The following PHACTR4 variants were observed in gnomAD, a reference collection of about 807,000 sequenced individuals.
The protein encoded by PHACTR4 is phosphatase and actin regulator 4.
PHACTR4 carries 51 observed loss-of-function variants against 72.7 expected under a neutral mutation model. The observed-to-expected ratio is 0.70, with a 90% CI of 0.56 to 0.89. The LOEUF is 0.89. Among genes scored for constraint, PHACTR4 ranks in the 40% least tolerant of loss-of-function variants. The pLI, the probability that PHACTR4 is intolerant of heterozygous loss-of-function variation, is 0.00. For missense variants in PHACTR4, 731 were observed against 861.8 expected (o/e 0.85, Z 1.90); for synonymous variants, 255 against 302.5 (o/e 0.84, Z 1.63).
chr1:28,465,628 T>A (rs1184287310), intron 4 of PHACTR4, 57 bp from the exon 5 acceptor site: 2 of 1,512,708 alleles, frequency 1.3e-6, no homozygotes, highest in Non-Finnish European at 1.8e-6. Context: ...TTACTAACTC[T>A]TCTTTCTATC....
intron 1 of PHACTR4, among the ~76,000 whole-genome samples, chr1:28,392,048 T>TC (rs1388219195): frequency 6.6e-6 from 1 of 152,100 alleles, no homozygotes; most frequent in Non-Finnish European, 1.5e-5. Flanking sequence ...ACAGTAGCGC[T>TC]CCCCCTTATC....
At chr1:28,473,498 G>A (rs1009121422) in intron 6 of PHACTR4, 56 bp from the exon 7 acceptor site, 19 of 1,324,322 alleles carry the variant, frequency 1.4e-5, no homozygotes, top group East Asian at 4.6e-5. Context: ...GCCCTGGGCC[G>A]GCCCTTCAAA....
At chr1:28,378,926 G>C (rs1471777675) in intron 1 of PHACTR4, among the ~76,000 whole-genome samples, 2 of 151,966 alleles carry the variant, frequency 1.3e-5, no homozygotes, top group Non-Finnish European at 2.9e-5. Context: ...CACTGATCTA[G>C]GTTTATTTAT....
intron 6 of PHACTR4, among the ~76,000 whole-genome samples, chr1:28,470,239 A>T (rs187619328): frequency 6.9e-4 from 105 of 152,146 alleles, no homozygotes; most frequent in African/African-American, 2.4e-3. Context: ...TAAAATATTT[A>T]AAAATTAGCT....
At chr1:28,437,778 G>A (rs1467395941) in intron 2 of PHACTR4, among the ~76,000 whole-genome samples, 2 of 152,080 alleles carry the variant, frequency 1.3e-5, no homozygotes, top group Non-Finnish European at 2.9e-5. Flanking sequence ...CATCACATTG[G>A]TCATTAGAAT....
At chr1:28,449,174 C>T (rs751297648) in intron 2 of PHACTR4, among the ~76,000 whole-genome samples, 4 of 151,930 alleles carry the variant, frequency 2.6e-5, no homozygotes, top group Non-Finnish European at 5.9e-5. Context: ...CAACAACTGG[C>T]TGTGCCAGGT....
chr1:28,409,219 T>C (rs922279269), intron 2 of PHACTR4, among the ~76,000 whole-genome samples: 5 of 151,716 alleles, frequency 3.3e-5, no homozygotes, highest in African/African-American at 4.8e-5. Flanking sequence ...TGCTACATCC[T>C]TGAACTCCTG....
chr1:28,473,656 A>C lies in PHACTR4; in HGVS notation c.926A>C (p.Glu309Ala). 6.2e-7 allele frequency: 1 copy of C among 1,614,046 alleles called. No individual in the cohort carries two copies. The highest frequency in any genetic ancestry group is 8.5e-7 in the Non-Finnish European group (1 of 1,179,976). Residue 309 changes from glutamate (E) to alanine (A), a missense_variant, in exon 7 of 14, where the codon GAG (glutamate) becomes GCG (alanine). Physicochemically the swap from Glu to Ala is moderately radical, Grantham distance 107. Around this residue, in one of 2 missense-constraint regions of PHACTR4, gnomAD observed 621 missense variants for 676.6 expected, o/e 0.92. Coordinates refer to ENST00000373839, the MANE Select transcript of PHACTR4 (RefSeq NM_001048183.3). ...GIPSTSVPTLESAAAITTKTP... is the reference protein window; with the variant it reads ...GIPSTSVPTLASAAAITTKTP... The stretch of plus-strand genomic sequence containing the variant: ...CCATCAACCTCAGTACCCACCTTGG[A>C]GTCTGCTGCTGCCATCACCACAAAA...
rs147315551 is a variant in PHACTR4, at chr1:28,455,819, T to C, written c.17-3266T>C. On this transcript the variant is annotated intron_variant, in intron 2 of 13. Coordinates refer to ENST00000373839, the MANE Select transcript of PHACTR4 (RefSeq NM_001048183.3). Reference sequence around the variant, plus strand: ...AGGAAGGAGGGAGAATATGAGGATATGAATATGTATGTGTGAATTTGAGAT... The same window carrying C: ...AGGAAGGAGGGAGAATATGAGGATACGAATATGTATGTGTGAATTTGAGAT... 3.5e-3 allele frequency among the ~76,000 whole-genome samples: 527 copies of C among 152,192 alleles called. 3 individuals are homozygous for C. Among genetic ancestry groups the C allele is most frequent in the Middle Eastern group, 0.014 (4 of 294 alleles).
At chr1:28,483,268 G>A (rs1227102045) in intron 9 of PHACTR4, among the ~76,000 whole-genome samples, 2 of 151,908 alleles carry the variant, frequency 1.3e-5, no homozygotes, top group Admixed American at 6.6e-5. Flanking sequence ...GGTGACACAC[G>A]TTTATGGTCC....
At chr1:28,417,248 T>A (rs752650234) in intron 2 of PHACTR4, among the ~76,000 whole-genome samples, 2 of 152,170 alleles carry the variant, frequency 1.3e-5, no homozygotes, top group Non-Finnish European at 2.9e-5. Flanking sequence ...ATGGGGGATA[T>A]ACCAAGACCA....
At chr1:28,395,324 A>G (rs975391835) in intron 1 of PHACTR4, among the ~76,000 whole-genome samples, 1 of 152,194 alleles carries the variant, frequency 6.6e-6, no homozygotes, top group Non-Finnish European at 1.5e-5. Context: ...TGTCATGATC[A>G]GTGATGATGA....
At chr1:28,472,508 T>C (rs1186161636) in intron 6 of PHACTR4, among the ~76,000 whole-genome samples, 5 of 152,190 alleles carry the variant, frequency 3.3e-5, no homozygotes, top group Non-Finnish European at 5.9e-5. Context: ...AGCTAAGATA[T>C]CTAGATACCA....
intron 1 of PHACTR4, among the ~76,000 whole-genome samples, chr1:28,375,930 G>A (rs554302513): frequency 3.9e-5 from 6 of 152,034 alleles, no homozygotes; most frequent in Admixed American, 2.0e-4. Context: ...TTAGCCAGGC[G>A]TGGTGGTACA....
At chr1:28,455,198 C>CTTTT (rs139479738) in intron 2 of PHACTR4, among the ~76,000 whole-genome samples, 47 of 85,926 alleles carry the variant, frequency 5.5e-4, no homozygotes, top group East Asian at 1.0e-3. Context: ...TTCTTTCTTT[C>CTTTT]TTTTTTTTTT....
At chr1:28,464,088 C>G (rs1235389597) in intron 4 of PHACTR4, among the ~76,000 whole-genome samples, 1 of 148,576 alleles carries the variant, frequency 6.7e-6, no homozygotes, top group African/African-American at 2.5e-5. Flanking sequence ...GCCTCAGCCT[C>G]CCGAGTAGCT....
In PHACTR4 at chr1:28,498,299, C is replaced by G. The variant is rs896039473; in HGVS notation, c.*1750C>G. Reference sequence around the variant, plus strand: ...TGGCCCACTGCTCCCCTCTTCTTCTCAGTGCTCTTTGCCCTCTCCTGCTGC... The same window carrying G: ...TGGCCCACTGCTCCCCTCTTCTTCTGAGTGCTCTTTGCCCTCTCCTGCTGC... On this transcript the variant is annotated 3_prime_UTR_variant, in exon 14 of 14. Coordinates refer to ENST00000373839, the MANE Select transcript of PHACTR4 (RefSeq NM_001048183.3). The G allele has an allele frequency of 6.6e-6, 1 of 152,524 alleles. No individual in the cohort carries two copies. The highest frequency in any genetic ancestry group is 6.6e-5 in the Admixed American group (1 of 15,256). 9.4% of individuals were successfully genotyped at this position (152,524 alleles called of 1,614,324 possible).
intron 1 of PHACTR4, among the ~76,000 whole-genome samples, chr1:28,398,929 G>C (rs1349640698): frequency 1.3e-5 from 2 of 152,118 alleles, no homozygotes; most frequent in Non-Finnish European, 2.9e-5. Flanking sequence ...CCATCCTACT[G>C]GTTCTGTTTC....
chr1:28,449,716 G>T (rs1369538892), intron 2 of PHACTR4, among the ~76,000 whole-genome samples: 1 of 151,978 alleles, frequency 6.6e-6, no homozygotes, highest in African/African-American at 2.4e-5. Flanking sequence ...GCCAGGCGTG[G>T]TGGTGGGCAC....
Sources: gnomAD v4.1 joint callset for allele counts (sites outside exome capture counted in the v4.1 genomes callset) on GRCh38, gnomAD v4.1.1 for gene constraint, gnomAD v4.1.1 regional missense constraint, MANE v1.5 for transcripts, NCBI Gene and HGNC (gene_info 2026-07-23, HGNC 2026-07-21) for gene names.